The following PCDHGA6 variants were observed in gnomAD, a reference collection of about 807,000 sequenced individuals.
PCDHGA6 encodes protocadherin gamma subfamily A, 6, also known as protocadherin gamma-A6.
In PCDHGA6, 41 loss-of-function variants were observed where a neutral mutation model predicts 60.6. The ratio of observed to expected loss-of-function variants is 0.68; its 90% CI spans 0.53 to 0.88. PCDHGA6 has a LOEUF of 0.88. Among genes scored for constraint, PCDHGA6 ranks in the 40% least tolerant of loss-of-function variants. The pLI, the probability that PCDHGA6 is intolerant of heterozygous loss-of-function variation, is 0.00. For synonymous variants in PCDHGA6, 594 were observed against 524.4 expected (o/e 1.13, Z -1.81); for missense variants, 1,312 against 1,203.0 (o/e 1.09, Z -1.34).
In PCDHGA6 at chr5:141,493,269, C is replaced by T. The variant is rs142898207; in HGVS notation, c.2425-1538C>T. ...ACATGCCTCTCTTATAACAGCTTCA[C>T]AGAGGTCAAGTGACTTGCTCAAGTT... is the stretch of plus-strand genomic sequence containing the variant. On this transcript the variant is annotated intron_variant, in intron 1 of 3. Coordinates refer to ENST00000517434, the MANE Select transcript of PCDHGA6 (RefSeq NM_018919.3). This position sits in a 1 kb window ranked among gnomAD's most constrained non-coding sequence, Gnocchi z 4.3. Among the ~76,000 whole-genome samples the T allele has an allele frequency of 1.3e-5, 2 of 152,322 alleles. No individual in the cohort carries two copies. The highest frequency in any genetic ancestry group is 4.8e-5 in the African/African-American group (2 of 41,570).
chr5:141,384,294 C>T, intron 1 of PCDHGA6: 1 of 1,613,864 alleles, frequency 6.2e-7, no homozygotes. Context: ...CTGAGAACAA[C>T]CCCAGAGGGG....
chr5:141,398,469 G>A (rs1490431965), intron 1 of PCDHGA6: 1 of 1,604,084 alleles, frequency 6.2e-7, no homozygotes, highest in Admixed American at 1.7e-5. Context: ...AAAATCCACT[G>A]AACTTTTATC....
chr5:141,477,059 A>G lies in PCDHGA6; in HGVS notation c.2425-17748A>G. On this transcript the variant is annotated intron_variant, in intron 1 of 3. Coordinates refer to ENST00000517434, the MANE Select transcript of PCDHGA6 (RefSeq NM_018919.3). This position sits in a 1 kb window ranked among gnomAD's most constrained non-coding sequence, Gnocchi z 4.9. ...CAAGGGTCGGCTGGACTTCGAGGAC[A>G]CCAAACTCCATGAGATTTACATCCA... The G allele has an allele frequency of 1.2e-6, 2 of 1,614,238 alleles. No individual in the cohort carries two copies. Among genetic ancestry groups the G allele is most frequent in the Non-Finnish European group, 1.7e-6 (2 of 1,180,036 alleles).
intron 1 of PCDHGA6, chr5:141,417,732 C>G (rs2096153715): frequency 4.3e-6 from 6 of 1,390,462 alleles, no homozygotes; most frequent in Non-Finnish European, 3.8e-6. Flanking sequence ...AGACCTTGCC[C>G]AGCACACCAG....
In PCDHGA6 at chr5:141,374,459, A is replaced by T. The variant is rs764751595; in HGVS notation, c.376A>T (p.Ile126Phe). Residue 126 changes from isoleucine to phenylalanine, a missense_variant, in exon 1 of 4, where the codon ATT becomes TTT. Transcript: ENST00000517434. The stretch of plus-strand genomic sequence containing the variant: ...TCCCGTGGAAGTGGAAATAGTGGAC[A>T]TTAATGACAATACACCCCGATTCTT... ...LYPVEVEIVD[I>F]NDNTPRFLKE... The T allele has an allele frequency of 6.2e-7, 1 of 1,613,448 alleles. No homozygotes were observed. Among genetic ancestry groups the T allele is most frequent in the South Asian group, 1.1e-5 (1 of 91,084 alleles).
intron 1 of PCDHGA6, among the ~76,000 whole-genome samples, chr5:141,438,625 TATATATATATACACACAC>T (rs1351180774): frequency 3.0e-4 from 14 of 46,412 alleles, no homozygotes; most frequent in Middle Eastern, 8.3e-3. Context: ...TATATATATA[TATATATATATACACACAC>T]ACACACACAT....
Position 141,511,606 on chromosome 5 carries a change from G to A in PCDHGA6, c.*433G>A, listed in dbSNP as rs1160129762. The stretch of plus-strand genomic sequence containing the variant: ...TGTTGAAGTACCAAGTAACCTACAA[G>A]CCTCCTAGTTCTGAAAAGTTGGAAG... On this transcript the variant is annotated 3_prime_UTR_variant, in exon 4 of 4. Transcript: ENST00000517434. 2 of 248,594 alleles carry A rather than the reference G, an allele frequency of 8.0e-6. No individual in the cohort carries two copies. Among genetic ancestry groups the A allele is most frequent in the Non-Finnish European group, 1.6e-5 (2 of 123,946 alleles). 15.4% of individuals were successfully genotyped at this position (248,594 alleles called of 1,614,324 possible). A position where few individuals can be genotyped will look rare whatever the true frequency, so the allele number is the denominator to read the frequency against.
rs1441791773 is a variant in PCDHGA6, at chr5:141,486,038, G to A, written c.2425-8769G>A. The A allele has an allele frequency of 1.9e-6, 3 of 1,614,066 alleles. No individual in the cohort carries two copies. The highest frequency in any genetic ancestry group is 1.1e-5 in the South Asian group (1 of 91,088). On this transcript the variant is annotated intron_variant, in intron 1 of 3. Coordinates refer to ENST00000517434, the MANE Select transcript of PCDHGA6 (RefSeq NM_018919.3). The surrounding 1 kb of genome is among the most constrained non-coding windows in gnomAD (Gnocchi z 5.0). ...TTTCAGTGGTCATACCCCTGATCGT[G>A]TAAGAAACCTCTTTAGCCTGCACCC...
At position 141,485,221 on chromosome 5, in the gene PCDHGA6, C is replaced by A; in HGVS notation, c.2425-9586C>A. 4 of 1,614,118 alleles carry A rather than the reference C, an allele frequency of 2.5e-6. No individual in the cohort carries two copies. The highest frequency in any genetic ancestry group is 2.2e-5 in the East Asian group (1 of 44,868). ...GGACAGAAATCTGGCGGTGGGCTAC[C>A]CTTTTGTTCCTCTTTTACCACCTGG... On this transcript the variant is annotated intron_variant, in intron 1 of 3. Coordinates refer to ENST00000517434, the MANE Select transcript of PCDHGA6 (RefSeq NM_018919.3). The surrounding 1 kb of genome is among the most constrained non-coding windows in gnomAD (Gnocchi z 5.7).
chr5:141,423,758 G>GGT (rs138224377), intron 1 of PCDHGA6: 10 of 366,772 alleles, frequency 2.7e-5, no homozygotes, highest in Non-Finnish European at 1.5e-5. Flanking sequence ...TTTGGGGGGG[G>GGT]GGTGGGGCGG....
chr5:141,496,943 T>C (rs1023861484), intron 2 of PCDHGA6, among the ~76,000 whole-genome samples: 2 of 151,258 alleles, frequency 1.3e-5, no homozygotes, highest in African/African-American at 2.4e-5. Flanking sequence ...CCCAGCACTT[T>C]GGGAGGCCAA....
intron 1 of PCDHGA6, chr5:141,383,758 A>G: frequency 6.2e-7 from 1 of 1,613,970 alleles, no homozygotes. Flanking sequence ...AATAACTCCT[A>G]AACTTCCAAA....
In PCDHGA6 at chr5:141,432,508, G is replaced by A. The variant is rs1306067848; in HGVS notation, c.2424+56001G>A. ...TGGAGCTGGCTCCCCGCTCCGCAGA[G>A]CCCGGCTACCTGGTGACCAAGGTGG... On this transcript the variant is annotated intron_variant, in intron 1 of 3. Coordinates refer to ENST00000517434, the MANE Select transcript of PCDHGA6 (RefSeq NM_018919.3). This position sits in a 1 kb window ranked among gnomAD's most constrained non-coding sequence, Gnocchi z 6.0. The A allele has an allele frequency of 1.9e-6, 3 of 1,614,136 alleles. No individual in the cohort carries two copies. Among genetic ancestry groups the A allele is most frequent in the Non-Finnish European group, 2.5e-6 (3 of 1,180,034 alleles).
chr5:141,490,998 C>T lies in PCDHGA6; in HGVS notation c.2425-3809C>T, dbSNP rs1284919124. 5 of 1,614,014 alleles carry T rather than the reference C, an allele frequency of 3.1e-6. No homozygotes were observed. The highest frequency in any genetic ancestry group is 1.7e-5 in the Admixed American group (1 of 60,016). On this transcript the variant is annotated intron_variant, in intron 1 of 3. Coordinates refer to ENST00000517434, the MANE Select transcript of PCDHGA6 (RefSeq NM_018919.3). The surrounding 1 kb of genome is among the most constrained non-coding windows in gnomAD (Gnocchi z 5.4). Reference sequence around the variant, plus strand: ...GTCTCCCTCGCTCTGCTCCTCCTGGCTCCTTGGTCACCAAGGTGACAGCCG... The same window carrying T: ...GTCTCCCTCGCTCTGCTCCTCCTGGTTCCTTGGTCACCAAGGTGACAGCCG...
At chr5:141,426,714 C>T (rs779529448) in intron 1 of PCDHGA6, 2 of 444,724 alleles carry the variant, frequency 4.5e-6, no homozygotes, top group South Asian at 3.1e-5. Flanking sequence ...AATCAATGAA[C>T]TAGCAATTCC....
intron 1 of PCDHGA6, among the ~76,000 whole-genome samples, chr5:141,447,744 T>G (rs1020767891): frequency 3.4e-4 from 51 of 152,206 alleles, no homozygotes; most frequent in African/African-American, 1.2e-3. Context: ...CTTAAGAGTC[T>G]TGCATGTGAC....
chr5:141,485,503 C>T lies in PCDHGA6; in HGVS notation c.2425-9304C>T, dbSNP rs1057374827. The T allele has an allele frequency of 5.0e-6, 8 of 1,614,096 alleles. No homozygotes were observed. The highest frequency in any genetic ancestry group is 6.8e-6 in the Non-Finnish European group (8 of 1,180,008). On this transcript the variant is annotated intron_variant, in intron 1 of 3. Coordinates refer to ENST00000517434, the MANE Select transcript of PCDHGA6 (RefSeq NM_018919.3). This position sits in a 1 kb window ranked among gnomAD's most constrained non-coding sequence, Gnocchi z 5.7. ...GCATCGTGCCCCTGGAGTTTGTCAC[C>T]GAAGGTCCTTTGGAAATGTACCGAG...
rs758405089 is a variant in PCDHGA6 at position 141,383,617 on chromosome 5, C to T, written c.2424+7110C>T. 5.1e-5 allele frequency: 82 copies of T among 1,613,734 alleles called. No homozygotes were observed. The Admixed American group carries it at 9.0e-4, about 18-fold the overall frequency. On this transcript the variant is annotated intron_variant, in intron 1 of 3. Coordinates refer to ENST00000517434, the MANE Select transcript of PCDHGA6 (RefSeq NM_018919.3). ...AGTGGTGGATGTGAATGACCACACG[C>T]CTGTCTTCTCTCTGCCTCAGTACCA...
At position 141,375,636 on chromosome 5, in the gene PCDHGA6, G is replaced by C. The variant is rs1448632834; in HGVS notation, c.1553G>C (p.Arg518Pro). Residue 518 changes from arginine to proline, a missense_variant, in exon 1 of 4, where the codon CGC becomes CCC. Physicochemically the swap from Arg to Pro is moderately radical, Grantham distance 103. Transcript: ENST00000517434. ...NSDTGILYAL[R>P]SFDYEQLRDL... is the part of the protein sequence containing the mutation. ...GACACTGGGATTCTGTACGCCCTGC[G>C]CTCCTTCGACTATGAGCAGTTGAGA... The C allele has an allele frequency of 6.2e-6, 10 of 1,614,064 alleles. No individual in the cohort carries two copies. Among genetic ancestry groups the C allele is most frequent in the Non-Finnish European group, 8.5e-6 (10 of 1,180,044 alleles).
Sources: gnomAD v4.1 joint callset for allele counts (sites outside exome capture counted in the v4.1 genomes callset) on GRCh38, gnomAD v4.1.1 for gene constraint, Gnocchi (gnomAD v3.1) non-coding constraint, MANE v1.5 for transcripts, NCBI Gene and HGNC (gene_info 2026-07-23, HGNC 2026-07-21) for gene names.